Variants in CBR4 observed in about 807,000 individuals in gnomAD.
CBR4 encodes the protein 3-oxoacyl-[acyl-carrier-protein] reductase.
A neutral mutation model predicts 21.0 loss-of-function variants in CBR4; 22 were observed. The observed-to-expected ratio is 1.05, with a 90% confidence interval of 0.75 to 1.50. The LOEUF (loss-of-function observed/expected upper bound fraction) is 1.50. CBR4 is among the 40% of genes most tolerant of loss of function. CBR4 has a pLI of 0.00. For synonymous variants in CBR4, 100 were observed against 104.4 expected (o/e 0.96, Z 0.26); for missense variants, 302 against 286.3 (o/e 1.05, Z -0.40).
intron 4 of CBR4, among the ~76,000 whole-genome samples, chr4:169,000,706 T>C (rs1307905822): frequency 1.3e-5 from 2 of 152,214 alleles, no homozygotes; most frequent in South Asian, 2.1e-4. Context: ...AACACTTGTG[T>C]TACTCAAAAA....
In CBR4 at chr4:168,987,620, C is replaced by G. The variant is rs1764733449; in HGVS notation, c.*2530G>C. Reference sequence around the variant, plus strand: ...AATCATTAAATACTTTATTTAAGAACAGTTTGTTTACCAAGTTAGGACAGT... The same window carrying G: ...AATCATTAAATACTTTATTTAAGAAGAGTTTGTTTACCAAGTTAGGACAGT... On this transcript the variant is annotated 3_prime_UTR_variant, in exon 5 of 5. Coordinates refer to ENST00000306193, the MANE Select transcript of CBR4 (RefSeq NM_032783.5). The G allele has an allele frequency of 3.2e-6, 3 of 933,406 alleles. No homozygotes were observed. The Admixed American group carries it at 1.9e-4, about 58-fold the overall frequency. The allele number at this position is 933,406 out of a possible 1,614,324, so 57.8% of individuals were successfully genotyped here.
At chr4:168,938,478 GGAGA>G (rs1419413229) in intron 2 of CBR4, among the ~76,000 whole-genome samples, 6 of 152,090 alleles carry the variant, frequency 3.9e-5, no homozygotes, top group Non-Finnish European at 8.8e-5. Flanking sequence ...CAGAATTGAA[GGAGA>G]TAGAGACACG....
chr4:168,947,140 G>A lies in CBR4; in HGVS notation n.170-52375C>T, dbSNP rs1387973066. On this transcript the variant is annotated intron_variant and non_coding_transcript_variant, in intron 2 of 3. Transcript: ENST00000509108. ...CCCTGTCATGTTTTTTTTTAAATTG[G>A]GTAAGATATACAATGTAAAATTTAC... 3.3e-5 allele frequency among the ~76,000 whole-genome samples: 5 copies of A among 150,938 alleles called. No homozygotes were observed. In the East Asian group the frequency reaches 7.8e-4, roughly 23 times the overall value.
At chr4:168,950,026 T>C (rs1343093417) in intron 2 of CBR4, among the ~76,000 whole-genome samples, 1 of 152,200 alleles carries the variant, frequency 6.6e-6, no homozygotes, top group Non-Finnish European at 1.5e-5. Flanking sequence ...TTAATCTTCC[T>C]AATGGTCTAT....
chr4:168,962,418 T>C (rs150739328), intron 2 of CBR4, among the ~76,000 whole-genome samples: 2 of 152,328 alleles, frequency 1.3e-5, no homozygotes, highest in African/African-American at 4.8e-5. Flanking sequence ...TCAAGGTTGC[T>C]TGGAAATTAG....
At chr4:168,984,791 G>A (rs116263716), downstream of CBR4, among the ~76,000 whole-genome samples, 1,306 of 152,162 alleles carry the variant, frequency 8.6e-3, 7 homozygotes, top group Non-Finnish European at 0.011. Context: ...CAACAAAGTC[G>A]ACAAAAACAA....
downstream of CBR4, among the ~76,000 whole-genome samples, chr4:168,986,654 T>A (rs1409335684): frequency 6.6e-6 from 1 of 152,080 alleles, no homozygotes; most frequent in Non-Finnish European, 1.5e-5. Context: ...TACTTAAGAA[T>A]TTTTCCTGGC....
At chr4:168,925,215 C>T in intron 2 of CBR4, 2 of 1,601,146 alleles carry the variant, frequency 1.2e-6, no homozygotes, top group Non-Finnish European at 8.6e-7. Context: ...ATTGCTCTCT[C>T]TCTCTTTCTA....
chr4:168,974,826 C>A (rs1256225002), intron 2 of CBR4, among the ~76,000 whole-genome samples: 2 of 150,410 alleles, frequency 1.3e-5, no homozygotes, highest in Non-Finnish European at 3.0e-5. Flanking sequence ...TTTTTAATTT[C>A]TTTAAGTCGG....
In CBR4 at chr4:169,007,636, C is replaced by A; in HGVS notation, c.263G>T (p.Arg88Met). 1.3e-6 allele frequency: 2 copies of A among 1,538,342 alleles called. No individual in the cohort carries two copies. The highest frequency in any genetic ancestry group is 1.3e-5 in the South Asian group (1 of 76,108). The change falls in exon 2 of 5, where the codon AGG (arginine) becomes ATG (methionine). Residue 88 changes from arginine to methionine, a missense_variant and splice_region_variant. Arg to Met is a moderately conservative substitution (Grantham distance 91). Coordinates refer to ENST00000306193, the MANE Select transcript of CBR4 (RefSeq NM_032783.5). ...AAACTTATTTAAATCTGTGACCAAC[C>A]TGTTAATACCAGCTGCATTTACCAA... ...NFLVNAAGIN[R>M]DGLLVRTKTE...
chr4:168,981,905 A>G (rs377178881), intron 2 of CBR4, among the ~76,000 whole-genome samples: 141 of 152,366 alleles, frequency 9.3e-4, no homozygotes, highest in African/African-American at 3.3e-3. Context: ...CAAGAGGTCC[A>G]TAAGACAGTA....
At chr4:169,004,632 G>C (rs376105652) in intron 3 of CBR4, among the ~76,000 whole-genome samples, 22 of 152,012 alleles carry the variant, frequency 1.4e-4, no homozygotes, top group Admixed American at 9.2e-4. Context: ...GTTTTATCAT[G>C]AGATTGCAGC....
intron 2 of CBR4, among the ~76,000 whole-genome samples, chr4:168,973,985 C>CT (rs1764292392): frequency 6.6e-6 from 1 of 151,900 alleles, no homozygotes; most frequent in African/African-American, 2.4e-5. Context: ...ATACCTTGGG[C>CT]TTTTTTTCAT....
At chr4:168,933,446 A>G (rs1763021896) in intron 2 of CBR4, among the ~76,000 whole-genome samples, 1 of 152,220 alleles carries the variant, frequency 6.6e-6, no homozygotes, top group Admixed American at 6.5e-5. Context: ...AAAGGTATCA[A>G]TTCAGCAAGA....
chr4:169,001,933 C>T (rs1257736366), intron 4 of CBR4, 138 bp downstream of exon 4: 1 of 883,168 alleles, frequency 1.1e-6, no homozygotes, highest in Non-Finnish European at 1.6e-6. Flanking sequence ...TTTTGAGTCC[C>T]CCAGTTCATT....
chr4:168,927,572 A>AAAAC (rs1331118586), intron 2 of CBR4: 4 of 230,414 alleles, frequency 1.7e-5, no homozygotes, highest in Admixed American at 1.7e-4. Context: ...AGGAGAGACA[A>AAAAC]AAACAGGTTT....
intron 2 of CBR4, among the ~76,000 whole-genome samples, chr4:168,977,461 A>T (rs901070721): frequency 1.3e-5 from 2 of 152,130 alleles, no homozygotes; most frequent in African/African-American, 4.8e-5. Flanking sequence ...TCAAGGTTCC[A>T]TCCTATGCCC....
intron 2 of CBR4, among the ~76,000 whole-genome samples, chr4:168,907,839 A>C (rs1758128424): frequency 6.6e-6 from 1 of 152,104 alleles, no homozygotes; most frequent in Non-Finnish European, 1.5e-5. Flanking sequence ...TATCAAAAGG[A>C]GAAAAAAAAA....
intron 2 of CBR4, among the ~76,000 whole-genome samples, chr4:168,950,107 A>G (rs1184380961): frequency 1.3e-5 from 2 of 151,802 alleles, no homozygotes; most frequent in Non-Finnish European, 2.9e-5. Flanking sequence ...TGTTGTTTCA[A>G]TTTTATTTAG....
Sources: gnomAD v4.1 joint callset for allele counts (sites outside exome capture counted in the v4.1 genomes callset) on GRCh38, gnomAD v4.1.1 for gene constraint, MANE v1.5 for transcripts, NCBI Gene and HGNC (gene_info 2026-07-23, HGNC 2026-07-21) for gene names.